KIF16B: variants seen among roughly 807,000 people sequenced by gnomAD.
KIF16B encodes kinesin-like protein KIF16B.
In KIF16B, 98 loss-of-function variants were observed where a neutral mutation model predicts 156.3. That is an observed-to-expected ratio of 0.63 (90% CI 0.53 to 0.74). The LOEUF (loss-of-function observed/expected upper bound fraction) is 0.74. Ranked by LOEUF, KIF16B falls within the 30% of genes least tolerant of loss-of-function variation. The probability of loss-of-function intolerance (pLI) is 0.00; values close to 1 mark genes in which losing one functional copy is unlikely to be tolerated. For missense variants in KIF16B, 1,421 were observed against 1,606.5 expected, an observed-to-expected ratio of 0.88 and a Z score of 1.97; for synonymous variants, 564 against 583.7, an observed-to-expected ratio of 0.97 and a Z score of 0.49.
chr20:16,503,249 G>A (rs890126824), intron 10 of KIF16B, among the ~76,000 whole-genome samples: 1 of 152,078 alleles, frequency 6.6e-6, no homozygotes, highest in Non-Finnish European at 1.5e-5. Flanking sequence ...ATAACAAGGT[G>A]TATAAATAAA....
intron 3 of KIF16B, among the ~76,000 whole-genome samples, chr20:16,518,546 T>C (rs2069222315): frequency 6.6e-6 from 1 of 152,086 alleles, no homozygotes; most frequent in African/African-American, 2.4e-5. Context: ...AGATGTTAGG[T>C]TTCAAGTTTC....
intron 24 of KIF16B, among the ~76,000 whole-genome samples, chr20:16,315,966 AATG>A (rs2122741675): frequency 6.6e-6 from 1 of 152,308 alleles, no homozygotes; most frequent in Admixed American, 6.5e-5. Flanking sequence ...CCATTAATAT[AATG>A]ATATTTCCAT....
At chr20:16,274,272 AC>A (rs1356354527) in intron 25 of KIF16B, among the ~76,000 whole-genome samples, 2 of 152,186 alleles carry the variant, frequency 1.3e-5, no homozygotes, top group Admixed American at 6.5e-5. Context: ...ATAATCATCA[AC>A]AAAAAGGAAT....
chr20:16,483,379 G>A (rs896557032), intron 12 of KIF16B, among the ~76,000 whole-genome samples: 7 of 152,154 alleles, frequency 4.6e-5, no homozygotes, highest in Non-Finnish European at 1.0e-4. Flanking sequence ...GTAGCTACCT[G>A]ATAAAATACG....
intron 25 of KIF16B, among the ~76,000 whole-genome samples, chr20:16,285,393 A>G (rs183683011): frequency 4.6e-5 from 7 of 152,392 alleles, no homozygotes; most frequent in Admixed American, 1.3e-4. Flanking sequence ...TGTCTTCGCT[A>G]CAATGAAAAG....
At chr20:16,472,501 C>T (rs922544489) in intron 12 of KIF16B, among the ~76,000 whole-genome samples, 4 of 141,582 alleles carry the variant, frequency 2.8e-5, no homozygotes, top group Non-Finnish European at 4.5e-5. Flanking sequence ...ATAACCCTAA[C>T]GTCATGTAAC....
intron 25 of KIF16B, among the ~76,000 whole-genome samples, chr20:16,293,868 T>C (rs1366052244): frequency 6.6e-6 from 1 of 151,412 alleles, no homozygotes; most frequent in Non-Finnish European, 1.5e-5. Context: ...ACTCAGTGCA[T>C]GGGAGGACCA....
At chr20:16,538,486 G>A (rs2070064387) in intron 1 of KIF16B, among the ~76,000 whole-genome samples, 1 of 152,112 alleles carries the variant, frequency 6.6e-6, no homozygotes, top group African/African-American at 2.4e-5. Flanking sequence ...AGCCAATTAT[G>A]GGTCCTTCAT....
chr20:16,469,934 A>T (rs971177121), intron 12 of KIF16B, among the ~76,000 whole-genome samples: 1 of 152,186 alleles, frequency 6.6e-6, no homozygotes, highest in Non-Finnish European at 1.5e-5. Context: ...AAAGCAGGTG[A>T]ACGGATTAAA....
chr20:16,403,706 G>A (rs1033229649), intron 17 of KIF16B, among the ~76,000 whole-genome samples: 1 of 152,184 alleles, frequency 6.6e-6, no homozygotes, highest in Non-Finnish European at 1.5e-5. Context: ...ATAAAATGAG[G>A]AATCCAGAAA....
At chr20:16,454,692 C>A (rs1600440994) in intron 12 of KIF16B, among the ~76,000 whole-genome samples, 1 of 152,034 alleles carries the variant, frequency 6.6e-6, no homozygotes, top group East Asian at 1.9e-4. Context: ...CATCAGAGTC[C>A]TTTCAAATCA....
chr20:16,472,156 T>C (rs948453649), intron 12 of KIF16B, among the ~76,000 whole-genome samples: 9 of 152,238 alleles, frequency 5.9e-5, no homozygotes, highest in Non-Finnish European at 1.3e-4. Flanking sequence ...GACACAGCCA[T>C]GTCCCATTTG....
At chr20:16,313,789 CA>C (rs2063656939) in intron 24 of KIF16B, among the ~76,000 whole-genome samples, 1 of 152,194 alleles carries the variant, frequency 6.6e-6, no homozygotes, top group South Asian at 2.1e-4. Flanking sequence ...CACTGCAGTA[CA>C]GTATTCCACC....
At chr20:16,520,672 C>T (rs934936872) in intron 3 of KIF16B, among the ~76,000 whole-genome samples, 4 of 152,330 alleles carry the variant, frequency 2.6e-5, no homozygotes, top group South Asian at 2.1e-4. Context: ...ACAGCACTCA[C>T]GCTCTGCTAA....
At chr20:16,505,891 T>C (rs779531132) in intron 8 of KIF16B, 38 bp from the exon 9 acceptor site, 11 of 1,607,968 alleles carry the variant, frequency 6.8e-6, no homozygotes, top group East Asian at 2.2e-5. Flanking sequence ...AAAGGACAAT[T>C]AGTAAAATTT....
intron 25 of KIF16B, among the ~76,000 whole-genome samples, chr20:16,308,557 AC>A (rs1014971930): frequency 4.6e-5 from 7 of 152,190 alleles, no homozygotes; most frequent in African/African-American, 1.7e-4. Flanking sequence ...GCCACTTACT[AC>A]CTTTGTGACC....
chr20:16,351,356 CTGAAA>C lies in KIF16B; in HGVS notation c.3621+4969_3621+4973del, dbSNP rs553293158. The stretch of plus-strand genomic sequence containing the variant: ...TCCCAGGCCCGTGTTTTGTGCTATG[CTGAAA>C]TGTGATTTCAAAATTAAATTTTACC... On this transcript the variant is annotated intron_variant, in intron 23 of 25. Coordinates refer to ENST00000354981, the MANE Select transcript of KIF16B (RefSeq NM_024704.5). 5.3e-5 allele frequency among the ~76,000 whole-genome samples: 8 copies of C among 152,170 alleles called. 1 individual carries two copies. The highest frequency in any genetic ancestry group is 1.3e-4 in the Admixed American group (2 of 15,274).
intron 12 of KIF16B, among the ~76,000 whole-genome samples, chr20:16,455,466 C>T (rs2067188855): frequency 6.6e-6 from 1 of 151,934 alleles, no homozygotes; most frequent in Non-Finnish European, 1.5e-5. Context: ...ACCTTTCAAA[C>T]AAATACTGAC....
chr20:16,324,195 T>C (rs1251946161), intron 24 of KIF16B, among the ~76,000 whole-genome samples: 1 of 152,038 alleles, frequency 6.6e-6, no homozygotes, highest in African/African-American at 2.4e-5. Context: ...TTATCATCCA[T>C]GGAGACTTGC....
Sources: gnomAD v4.1 joint callset for allele counts (sites outside exome capture counted in the v4.1 genomes callset) on GRCh38, gnomAD v4.1.1 for gene constraint, MANE v1.5 for transcripts, NCBI Gene and HGNC (gene_info 2026-07-23, HGNC 2026-07-21) for gene names.